The following LRBA variants were observed in gnomAD, a reference collection of about 807,000 sequenced individuals.
The protein encoded by LRBA is LPS responsive beige-like anchor protein.
Under a neutral mutation model 330.0 loss-of-function variants are expected in LRBA, and 176 were observed. The observed-to-expected ratio is 0.53, with a 90% CI of 0.47 to 0.60. The LOEUF is 0.60. Ranked by LOEUF, LRBA falls within the 20% of genes least tolerant of loss-of-function variation. The pLI is 0.00. For missense variants in LRBA, 3,259 were observed against 3,444.8 expected, an observed-to-expected ratio of 0.95 and a Z score of 1.35; for synonymous variants, 1,230 against 1,193.0, an observed-to-expected ratio of 1.03 and a Z score of -0.64.
At chr4:150,945,821 A>G (rs1327337116) in intron 2 of LRBA, among the ~76,000 whole-genome samples, 1 of 150,416 alleles carries the variant, frequency 6.6e-6, no homozygotes, top group Non-Finnish European at 1.5e-5. Context: ...TTTTTTTTAG[A>G]TGGAGTCTCG....
At chr4:151,010,727 C>CA (rs1372062060) in intron 2 of LRBA, among the ~76,000 whole-genome samples, 2 of 151,438 alleles carry the variant, frequency 1.3e-5, no homozygotes, top group Non-Finnish European at 2.9e-5. Context: ...ACTAAAAATA[C>CA]AAAAAAATTA....
intron 41 of LRBA, among the ~76,000 whole-genome samples, chr4:150,489,161 A>AATATATATCAGAAT (rs1352370244): frequency 4.1e-5 from 5 of 122,366 alleles, no homozygotes; most frequent in African/African-American, 6.6e-5. Context: ...CAGAATATAT[A>AATATATATCAGAAT]ATATATTATA....
At chr4:150,875,068 T>C (rs1168505937) in intron 17 of LRBA, among the ~76,000 whole-genome samples, 2 of 152,138 alleles carry the variant, frequency 1.3e-5, no homozygotes, top group Non-Finnish European at 2.9e-5. Flanking sequence ...CTCTGCTCCA[T>C]GGCCAGGCAG....
In LRBA at chr4:150,539,441, A is replaced by G. The variant is rs558232933; in HGVS notation, c.6331-48406T>C. 3.3e-5 allele frequency among the ~76,000 whole-genome samples: 5 copies of G among 152,266 alleles called. No homozygotes were observed. The South Asian group carries it at 1.0e-3, about 32-fold the overall frequency. On this transcript the variant is annotated intron_variant, in intron 40 of 56. Transcript: ENST00000651943. ...TTCACTTGCCATTTTTTGTGTGTTT[A>G]TATTACTTTCCTTATTCAGTCCAAA...
At chr4:150,836,033 G>A (rs961222730) in intron 28 of LRBA, among the ~76,000 whole-genome samples, 1 of 152,110 alleles carries the variant, frequency 6.6e-6, no homozygotes, top group Non-Finnish European at 1.5e-5. Context: ...TTTGTCAATG[G>A]CCTTTTCTGC....
At chr4:150,986,292 GA>G (rs1741456747) in intron 2 of LRBA, among the ~76,000 whole-genome samples, 1 of 152,150 alleles carries the variant, frequency 6.6e-6, no homozygotes, top group Non-Finnish European at 1.5e-5. Flanking sequence ...AGCGGGAGAT[GA>G]ACGGCAGGCA....
intron 47 of LRBA, among the ~76,000 whole-genome samples, chr4:150,395,762 CT>C (rs1744647059): frequency 6.6e-6 from 1 of 152,136 alleles, no homozygotes; most frequent in African/African-American, 2.4e-5. Flanking sequence ...ATTCCATTAT[CT>C]TAATCTTTTC....
chr4:150,470,868 CA>C (rs1433904540), intron 43 of LRBA, among the ~76,000 whole-genome samples: 10 of 120,196 alleles, frequency 8.3e-5, no homozygotes, highest in Admixed American at 2.7e-4. Flanking sequence ...CACACACACA[CA>C]CACACACCAC....
intron 34 of LRBA, among the ~76,000 whole-genome samples, chr4:150,773,398 G>C (rs1019001044): frequency 1.3e-5 from 2 of 152,190 alleles, no homozygotes; most frequent in African/African-American, 2.4e-5. Context: ...ACGTCTATTA[G>C]GTGCCAGGGA....
chr4:150,302,714 T>C lies in LRBA; in HGVS notation c.7928A>G (p.Asn2643Ser). ...LARSESYIGGNCYILSGSRDA... is the reference protein window; with the variant it reads ...LARSESYIGGSCYILSGSRDA... Reference sequence around the variant, plus strand: ...ACGTGACCCTGAGAGAATGTAGCAATTTCCCCCAATATATGACTCAGAACG... The same window carrying C: ...ACGTGACCCTGAGAGAATGTAGCAACTTCCCCCAATATATGACTCAGAACG... The change falls in exon 53 of 57, where the codon AAT becomes AGT. Residue 2643 changes from asparagine to serine, a missense_variant. Asn to Ser is a conservative substitution (Grantham distance 46). Transcript: ENST00000651943. 6.2e-7 allele frequency: 1 copy of C among 1,613,060 alleles called. No homozygotes were observed. The highest frequency in any genetic ancestry group is 8.5e-7 in the Non-Finnish European group (1 of 1,179,358).
chr4:150,526,456 A>C (rs2152185787), intron 40 of LRBA, among the ~76,000 whole-genome samples: 1 of 152,308 alleles, frequency 6.6e-6, no homozygotes, highest in Middle Eastern at 3.4e-3. Flanking sequence ...GTCTTACTTA[A>C]TGAGATATAC....
chr4:150,315,224 G>A lies in LRBA; in HGVS notation c.7693+337C>T, dbSNP rs78123865. 1.2e-3 allele frequency: 405 copies of A among 344,634 alleles called. 1 individual carries two copies. Among genetic ancestry groups the A allele is most frequent in the Non-Finnish European group, 1.5e-3 (286 of 187,846 alleles). 21.3% of individuals were successfully genotyped at this position (344,634 alleles called of 1,614,324 possible). A position where few individuals can be genotyped will look rare whatever the true frequency, so the allele number is the denominator to read the frequency against. On this transcript the variant is annotated intron_variant, in intron 51 of 56. Transcript: ENST00000651943. Reference sequence around the variant, plus strand: ...TACCGGTGCACCAATTCATCATAACGTGCCTTGCTCCTGCTCATCAACAAG... The same window carrying A: ...TACCGGTGCACCAATTCATCATAACATGCCTTGCTCCTGCTCATCAACAAG...
chr4:150,269,729 G>A (rs28885675), intron 56 of LRBA, among the ~76,000 whole-genome samples: 13,558 of 152,178 alleles, frequency 0.089, 904 homozygotes, highest in South Asian at 0.23. Flanking sequence ...AGGATTGTTT[G>A]TTTGAGCCCA....
At chr4:150,977,018 A>C (rs1440214083) in intron 2 of LRBA, among the ~76,000 whole-genome samples, 1 of 152,190 alleles carries the variant, frequency 6.6e-6, no homozygotes, top group East Asian at 1.9e-4. Flanking sequence ...GCCTCTAAAT[A>C]AACTTGAAGG....
chr4:150,277,937 C>T lies in LRBA; in HGVS notation c.8384G>A (p.Arg2795Gln), dbSNP rs765055573. The change falls in exon 56 of 57, where the codon CGG becomes CAG. Residue 2795 changes from arginine to glutamine, a missense_variant. Coordinates refer to ENST00000651943, the MANE Select transcript of LRBA (RefSeq NM_001364905.1). ...GAGCTGCTTGAGGTCCGACACCTGC[C>T]GGACCACGACCACTCCTCTGTCTCC... ...TGGDRGVVVV[R>Q]QVSDLKQLFA... The T allele has an allele frequency of 2.5e-5, 41 of 1,614,096 alleles. No individual in the cohort carries two copies. Among genetic ancestry groups the T allele is most frequent in the Middle Eastern group, 1.6e-4 (1 of 6,062 alleles).
intron 2 of LRBA, among the ~76,000 whole-genome samples, chr4:150,944,860 T>C (rs1736072474): frequency 6.6e-6 from 1 of 152,144 alleles, no homozygotes; most frequent in African/African-American, 2.4e-5. Context: ...AACTGAATCA[T>C]GGGGTGGGGG....
At chr4:150,295,413 T>G (rs1277051944) in intron 53 of LRBA, among the ~76,000 whole-genome samples, 1 of 152,032 alleles carries the variant, frequency 6.6e-6, no homozygotes, top group Non-Finnish European at 1.5e-5. Flanking sequence ...CCCATGCTGG[T>G]TTTGAACTCC....
intron 2 of LRBA, among the ~76,000 whole-genome samples, chr4:150,980,699 C>T (rs543451499): frequency 5.3e-5 from 8 of 152,188 alleles, no homozygotes; most frequent in African/African-American, 1.9e-4. Context: ...AGTTAAATTT[C>T]CCTTGTTTGC....
intron 2 of LRBA, among the ~76,000 whole-genome samples, chr4:151,003,908 T>C (rs1176564637): frequency 2.0e-5 from 3 of 151,016 alleles, no homozygotes; most frequent in Non-Finnish European, 4.4e-5. Flanking sequence ...TGTGTGTGTG[T>C]GTGTGTGTGT....
Sources: gnomAD v4.1 joint callset for allele counts (sites outside exome capture counted in the v4.1 genomes callset) on GRCh38, gnomAD v4.1.1 for gene constraint, MANE v1.5 for transcripts, NCBI Gene and HGNC (gene_info 2026-07-23, HGNC 2026-07-21) for gene names.